NAT10: variants seen among roughly 807,000 people sequenced by gnomAD.
NAT10 encodes N-acetyltransferase 10.
Under a neutral mutation model 132.2 loss-of-function variants are expected in NAT10, and 109 were observed. The observed-to-expected ratio is 0.82, with a 90% confidence interval of 0.71 to 0.97. The LOEUF (loss-of-function observed/expected upper bound fraction) is 0.97. NAT10 is among the 50% of genes least tolerant of loss of function. NAT10 has a pLI of 0.00. For missense variants in NAT10, 1,184 were observed against 1,263.4 expected (o/e 0.94, Z 0.95); for synonymous variants, 479 against 478.0 (o/e 1.00, Z -0.03).
At chr11:34,115,977 G>T in intron 6 of NAT10, 93 bp downstream of exon 6, 1 of 1,205,966 alleles carries the variant, frequency 8.3e-7, no homozygotes, top group Admixed American at 2.0e-5. Flanking sequence ...TTTATATTGG[G>T]GAAAGTAGTA....
intron 8 of NAT10, among the ~76,000 whole-genome samples, chr11:34,120,143 G>GTTTTTTTTTTTTTTTTTTTTTTTTGTT (rs771235436): frequency 1.1e-5 from 1 of 94,152 alleles, no homozygotes; most frequent in Non-Finnish European, 1.9e-5. Flanking sequence ...GTTGCTGTTG[G>GTTTTTTTTTTTTTTTTTTTTTTTTGTT]TTTTTTTTTT....
intron 1 of NAT10, among the ~76,000 whole-genome samples, chr11:34,106,347 C>T (rs1851594513): frequency 6.6e-6 from 1 of 152,090 alleles, no homozygotes. Context: ...CTTCCCCATC[C>T]AGGCCTTCCA....
intron 10 of NAT10, 84 bp downstream of exon 10, chr11:34,123,939 G>A (rs879838680): frequency 4.9e-5 from 52 of 1,065,328 alleles, no homozygotes; most frequent in Non-Finnish European, 6.9e-5. Context: ...GGAGGCCGAC[G>A]CGGGCGGATC....
intron 5 of NAT10, 91 bp downstream of exon 5, chr11:34,113,929 G>C (rs1851743165): frequency 2.0e-6 from 3 of 1,487,468 alleles, no homozygotes; most frequent in East Asian, 2.3e-5. Flanking sequence ...CTGTTGGGCA[G>C]CTCCAGTGAG....
intron 4 of NAT10, among the ~76,000 whole-genome samples, chr11:34,113,010 C>A (rs1218599379): frequency 6.6e-6 from 1 of 152,238 alleles, no homozygotes; most frequent in East Asian, 1.9e-4. Context: ...TCCTATACTG[C>A]TGGCTTGCAT....
intron 1 of NAT10, among the ~76,000 whole-genome samples, chr11:34,106,812 C>G (rs1230023353): frequency 6.6e-6 from 1 of 152,126 alleles, no homozygotes; most frequent in African/African-American, 2.4e-5. Flanking sequence ...AAGACATATG[C>G]TAAAATCTGT....
Position 34,141,908 on chromosome 11 carries a change from A to G in NAT10, c.2811+91A>G. 1.0e-5 allele frequency: 11 copies of G among 1,088,900 alleles called. No homozygotes were observed. In the South Asian group the frequency reaches 1.5e-4, roughly 15 times the overall value. The allele number at this position is 1,088,900 out of a possible 1,614,324, so 67.5% of individuals were successfully genotyped here. On this transcript the variant is annotated intron_variant, in intron 26 of 28. Coordinates refer to ENST00000257829, the MANE Select transcript of NAT10 (RefSeq NM_024662.3). ...AGACTGTCTTCCCCTTCCCCTTTAGAAAGAGTCCTCTGCACTAATTGAGCT... is the reference window on the plus strand; with the variant it reads ...AGACTGTCTTCCCCTTCCCCTTTAGGAAGAGTCCTCTGCACTAATTGAGCT...
rs766687103 is a variant in NAT10, at chr11:34,135,304, C to T, written c.2028+13C>T. 10 of 1,602,428 alleles carry T rather than the reference C, an allele frequency of 6.2e-6. No homozygotes were observed. The highest frequency in any genetic ancestry group is 2.2e-5 in the South Asian group (2 of 90,828). ...CGTAAGCAGCGAGGTAAGCATCTTT[C>T]GACAGACCTCCTGTGTCCTGGTTCT... On this transcript the variant is annotated intron_variant, in intron 19 of 28. Coordinates refer to ENST00000257829, the MANE Select transcript of NAT10 (RefSeq NM_024662.3).
chr11:34,143,280 C>G (rs1332286238), intron 27 of NAT10, among the ~76,000 whole-genome samples, 165 bp from the exon 28 acceptor site: 1 of 152,230 alleles, frequency 6.6e-6, no homozygotes, highest in Non-Finnish European at 1.5e-5. Context: ...GGCCCTCCTG[C>G]ATGCTTGTCC....
In NAT10 at chr11:34,141,768, C is replaced by CTCCTCAT. The variant is rs1852337471; in HGVS notation, c.2762_2763insTCCTCAT (p.Lys922ProfsTer16). ...GCCATTGAGGAGCAGATGGTGGCAG[C>CTCCTCAT]GAAGGATGTGGTCATGGAGCCCACG... On this transcript the variant is annotated frameshift_variant, in exon 26 of 29. Coordinates refer to ENST00000257829, the MANE Select transcript of NAT10 (RefSeq NM_024662.3). LOFTEE classifies it high-confidence loss of function. 3 of 1,613,914 alleles carry CTCCTCAT rather than the reference C, an allele frequency of 1.9e-6. No individual in the cohort carries two copies. The Admixed American group carries it at 5.0e-5, about 27-fold the overall frequency.
rs372913061 is a variant in NAT10 at position 34,115,827 on chromosome 11, T to G, written c.500T>G (p.Val167Gly). 1.2e-6 allele frequency: 2 copies of G among 1,614,046 alleles called. No homozygotes were observed. The change falls in exon 6 of 29, where the codon GTG becomes GGG. Residue 167 changes from valine (V) to glycine (G), a missense_variant. Coordinates refer to ENST00000257829, the MANE Select transcript of NAT10 (RefSeq NM_024662.3). ...GATGTTGTCTTTCTTTGTTAGGATG[T>G]GCATTCCAGGTACAGAACTGAGGCC... ...LKQLYTVTMDVHSRYRTEAHQ... is the reference protein window; with the variant it reads ...LKQLYTVTMDGHSRYRTEAHQ...
At position 34,118,203 on chromosome 11, in the gene NAT10, G is replaced by C; in HGVS notation, c.581G>C (p.Cys194Ser). 1.2e-6 allele frequency: 2 copies of C among 1,614,152 alleles called. No individual in the cohort carries two copies. The highest frequency in any genetic ancestry group is 1.7e-6 in the Non-Finnish European group (2 of 1,180,010). ...NERFILSLASCKKCLVIDDQL... is the reference protein window; with the variant it reads ...NERFILSLASSKKCLVIDDQL... Reference sequence around the variant, plus strand: ...AGGTTTATTCTGTCTCTGGCCTCTTGTAAGAAGTGTCTCGTCATTGATGAC... The same window carrying C: ...AGGTTTATTCTGTCTCTGGCCTCTTCTAAGAAGTGTCTCGTCATTGATGAC... Residue 194 changes from cysteine (C) to serine (S), a missense_variant, in exon 7 of 29, where the codon TGT becomes TCT. Physicochemically the swap from Cys to Ser is moderately radical, Grantham distance 112. Coordinates refer to ENST00000257829, the MANE Select transcript of NAT10 (RefSeq NM_024662.3).
At chr11:34,122,619 AG>A (rs1186203707) in intron 9 of NAT10, 27 bp downstream of exon 9, 2 of 1,612,084 alleles carry the variant, frequency 1.2e-6, no homozygotes, top group Non-Finnish European at 1.7e-6. Context: ...CCCCATCTTT[AG>A]GAACTCTGGG....
At chr11:34,136,610 T>G (rs778758379) in intron 19 of NAT10, 32 bp from the exon 20 acceptor site, 2 of 1,613,938 alleles carry the variant, frequency 1.2e-6, no homozygotes, top group Non-Finnish European at 8.5e-7. Flanking sequence ...CTCTGCTGAA[T>G]GGACTGTGTT....
At position 34,113,832 on chromosome 11, in the gene NAT10, G is replaced by T. The variant is rs763009060; in HGVS notation, c.489G>T (p.Val163=). The T allele has an allele frequency of 3.1e-6, 5 of 1,612,948 alleles. No homozygotes were observed. The South Asian group carries it at 5.5e-5, about 18-fold the overall frequency. ...ACTCACTCAAGCAATTGTACACAGTGACTATGGTAAGCATCTGTTTTTTAA... is the reference window on the plus strand; with the variant it reads ...ACTCACTCAAGCAATTGTACACAGTTACTATGGTAAGCATCTGTTTTTTAA... ...TMNSLKQLYT[V]TMDVHSRYRT... Residue 163 remains valine, a synonymous_variant, in exon 5 of 29, where the codon GTG becomes GTT. Coordinates refer to ENST00000257829, the MANE Select transcript of NAT10 (RefSeq NM_024662.3).
At chr11:34,124,667 TTAAC>T (rs1198440246) in intron 11 of NAT10, among the ~76,000 whole-genome samples, 4 of 152,268 alleles carry the variant, frequency 2.6e-5, no homozygotes, top group Admixed American at 2.6e-4. Flanking sequence ...AGTACGCTGA[TTAAC>T]TAAAAGAGAA....
Position 34,130,857 on chromosome 11 carries a change from A to C in NAT10, c.1289A>C (p.Gln430Pro). ...GRSLSLKLIQ[Q>P]LRQQSAQSQV... Reference sequence around the variant, plus strand: ...TCACTGTCCCTCAAGCTAATTCAGCAGCTCCGTCAACAGAGCGCCCAGAGC... The same window carrying C: ...TCACTGTCCCTCAAGCTAATTCAGCCGCTCCGTCAACAGAGCGCCCAGAGC... The change falls in exon 13 of 29, where the codon CAG becomes CCG. Residue 430 changes from glutamine to proline, a missense_variant. By Grantham distance (76) the Gln-to-Pro change is moderately conservative. Coordinates refer to ENST00000257829, the MANE Select transcript of NAT10 (RefSeq NM_024662.3). 6.2e-7 allele frequency: 1 copy of C among 1,614,196 alleles called. No individual in the cohort carries two copies. The highest frequency in any genetic ancestry group is 2.2e-5 in the East Asian group (1 of 44,888).
chr11:34,122,662 A>T lies in NAT10; in HGVS notation c.914+70A>T. The T allele has an allele frequency of 1.3e-6, 2 of 1,577,066 alleles. 1 individual carries two copies. Among genetic ancestry groups the T allele is most frequent in the South Asian group, 2.3e-5 (2 of 88,106 alleles). On this transcript the variant is annotated intron_variant, in intron 9 of 28. Coordinates refer to ENST00000257829, the MANE Select transcript of NAT10 (RefSeq NM_024662.3). ...GGGGGTAGTGTGCAGGGTTGGGGTC[A>T]GAGGACTGGTATCTCACGTTCCTAG... is the stretch of plus-strand genomic sequence containing the variant.
chr11:34,144,388 G>A (rs532410150), intron 28 of NAT10, among the ~76,000 whole-genome samples: 1 of 152,280 alleles, frequency 6.6e-6, no homozygotes, highest in East Asian at 1.9e-4. Context: ...AAAAATTTTG[G>A]TGAGAAGAGT....
Sources: gnomAD v4.1 joint callset for allele counts (sites outside exome capture counted in the v4.1 genomes callset) on GRCh38, gnomAD v4.1.1 for gene constraint, MANE v1.5 for transcripts, NCBI Gene and HGNC (gene_info 2026-07-23, HGNC 2026-07-21) for gene names.